Variants in FER1L5 observed in about 807,000 individuals in gnomAD.
FER1L5 encodes fer-1 like family member 5.
Under a neutral mutation model 279.9 loss-of-function variants are expected in FER1L5, and 187 were observed. That is an observed-to-expected ratio of 0.67 (90% CI 0.59 to 0.75). The LOEUF (loss-of-function observed/expected upper bound fraction) is 0.75. Among genes scored for constraint, FER1L5 ranks in the 30% least tolerant of loss-of-function variants. The pLI, the probability that FER1L5 is intolerant of heterozygous loss-of-function variation, is 0.00. For missense variants in FER1L5, 2,091 were observed against 2,594.4 expected, an observed-to-expected ratio of 0.81 and a Z score of 4.21; for synonymous variants, 921 against 989.7, an observed-to-expected ratio of 0.93 and a Z score of 1.30.
At position 96,686,397 on chromosome 2, in the gene FER1L5, C is replaced by T. The variant is rs2076926680; in HGVS notation, c.2229+47C>T. ...GGGGAGGACAGGGCTGAGAAATGCCCCCAGGGGAGCCCCCTGAACTCGCAG... is the reference window on the plus strand; with the variant it reads ...GGGGAGGACAGGGCTGAGAAATGCCTCCAGGGGAGCCCCCTGAACTCGCAG... On this transcript the variant is annotated intron_variant, in intron 23 of 52. Transcript: ENST00000624922. The T allele has an allele frequency of 2.6e-6, 4 of 1,517,188 alleles. No homozygotes were observed. The African/African-American group carries it at 5.5e-5, about 21-fold the overall frequency. 94.0% of individuals were successfully genotyped at this position (1,517,188 alleles called of 1,614,324 possible).
chr2:96,651,237 C>CTTTCTCTT (rs1553446608), intron 6 of FER1L5, among the ~76,000 whole-genome samples: 5 of 128,518 alleles, frequency 3.9e-5, no homozygotes, highest in African/African-American at 1.5e-4. Flanking sequence ...TTCTTTCTTT[C>CTTTCTCTT]TCTTTCTTTC....
chr2:96,679,922 C>T (rs1265038290), intron 19 of FER1L5, among the ~76,000 whole-genome samples: 1 of 152,066 alleles, frequency 6.6e-6, no homozygotes, highest in African/African-American at 2.4e-5. Flanking sequence ...TTTTCTTCTA[C>T]TTGTTTTCTG....
intron 37 of FER1L5, 129 bp downstream of exon 37, chr2:96,696,206 G>A (rs1238157468): frequency 3.4e-6 from 4 of 1,170,278 alleles, no homozygotes; most frequent in Non-Finnish European, 4.9e-6. Flanking sequence ...TCGCTCTGTA[G>A]GGTCCTCAGC....
In FER1L5 at chr2:96,702,278, G is replaced by A. The variant is rs577235532; in HGVS notation, c.5160-28G>A. On this transcript the variant is annotated intron_variant, in intron 46 of 52. Coordinates refer to ENST00000624922, the MANE Select transcript of FER1L5 (RefSeq NM_001293083.2). This position sits in a 1 kb window ranked among gnomAD's most constrained non-coding sequence, Gnocchi z 4.0. ...GCTGCAGCTGGGGAGCTCCTCCTCA[G>A]CAAAGCCTCAGAGCACAGTGGCCAC... 1.9e-6 allele frequency: 3 copies of A among 1,601,196 alleles called. No homozygotes were observed. Among genetic ancestry groups the A allele is most frequent in the Non-Finnish European group, 2.6e-6 (3 of 1,174,280 alleles).
At chr2:96,673,903 G>A (rs564205826) in intron 19 of FER1L5, among the ~76,000 whole-genome samples, 1 of 152,172 alleles carries the variant, frequency 6.6e-6, no homozygotes, top group Admixed American at 6.5e-5. Flanking sequence ...GAGTACCACT[G>A]CTGCAGAGCA....
Position 96,647,107 on chromosome 2 carries a change from C to T in FER1L5, c.182C>T (p.Ser61Phe). 6.4e-7 allele frequency: 1 copy of T among 1,551,662 alleles called. No individual in the cohort carries two copies. The highest frequency in any genetic ancestry group is 8.7e-7 in the Non-Finnish European group (1 of 1,146,988). ...HLWNRPLEND[S>F]FLQVTLQDMG... is the part of the protein sequence containing the mutation. ...TGGAACCGCCCCCTGGAAAATGACT[C>T]CTTCCTGCAAGTCACCCTTCAGGAC... The change falls in exon 3 of 53, where the codon TCC becomes TTC. Residue 61 changes from serine to phenylalanine, a missense_variant. Transcript: ENST00000624922.
chr2:96,691,417 C>G lies in FER1L5; in HGVS notation c.2908-28C>G, dbSNP rs2077141105. ...AGGGCCGCCTTGGCTGCTGCAGGAACACAACCCTGCTCTCCTCCCCACCAC... is the reference window on the plus strand; with the variant it reads ...AGGGCCGCCTTGGCTGCTGCAGGAAGACAACCCTGCTCTCCTCCCCACCAC... On this transcript the variant is annotated intron_variant, in intron 28 of 52. Coordinates refer to ENST00000624922, the MANE Select transcript of FER1L5 (RefSeq NM_001293083.2). This position sits in a 1 kb window ranked among gnomAD's most constrained non-coding sequence, Gnocchi z 6.0. 6.5e-7 allele frequency: 1 copy of G among 1,534,566 alleles called. No homozygotes were observed. The highest frequency in any genetic ancestry group is 8.8e-7 in the Non-Finnish European group (1 of 1,136,638).
chr2:96,659,076 C>T (rs529104523), intron 9 of FER1L5, among the ~76,000 whole-genome samples: 6 of 151,962 alleles, frequency 3.9e-5, no homozygotes, highest in East Asian at 1.9e-4. Flanking sequence ...CTCCTACAGG[C>T]GCCCACCACC....
At chr2:96,646,507 G>A (rs2075136757) in intron 2 of FER1L5, 54 bp downstream of exon 2, 1 of 1,529,152 alleles carries the variant, frequency 6.5e-7, no homozygotes, top group Admixed American at 2.0e-5. Flanking sequence ...CAGCAAGGGG[G>A]CAAGGGTGGG....
chr2:96,643,731 A>AT (rs575542946), intron 1 of FER1L5, among the ~76,000 whole-genome samples: 1,418 of 136,908 alleles, frequency 0.01, 14 homozygotes, highest in Middle Eastern at 0.062. Context: ...TATTATCTCC[A>AT]TTTTTTTTTT....
At chr2:96,685,191 G>A in intron 20 of FER1L5, 138 bp from the exon 21 acceptor site, 1 of 714,492 alleles carries the variant, frequency 1.4e-6, no homozygotes, top group South Asian at 1.6e-5. Context: ...GGACAACCTT[G>A]AACTGATATC....
intron 18 of FER1L5, among the ~76,000 whole-genome samples, chr2:96,671,117 A>AAAAAAAAAAAAAAAAAAAAAAAG (rs1206351389): frequency 6.7e-6 from 1 of 149,910 alleles, no homozygotes; most frequent in East Asian, 1.9e-4. Flanking sequence ...AAAAAAAAAA[A>AAAAAAAAAAAAAAAAAAAAAAAG]AAAAAAAAAA....
chr2:96,689,498 C>G lies in FER1L5; in HGVS notation c.2525+122C>G, dbSNP rs1407177021. The G allele has an allele frequency of 1.4e-6, 2 of 1,469,686 alleles. No homozygotes were observed. The highest frequency in any genetic ancestry group is 1.4e-5 in the African/African-American group (1 of 70,612). 91.0% of individuals were successfully genotyped at this position (1,469,686 alleles called of 1,614,324 possible). ...CTGGTGCCAGAGGGCCGAGGTGCAC[C>G]AGGCCAAGGGCCCTGCCCACCACCC... On this transcript the variant is annotated intron_variant, in intron 25 of 52. Transcript: ENST00000624922. The surrounding 1 kb of genome is among the most constrained non-coding windows in gnomAD (Gnocchi z 4.6).
chr2:96,685,566 GAAACCCC>G (rs1298008438), intron 21 of FER1L5, 137 bp downstream of exon 21: 1 of 752,916 alleles, frequency 1.3e-6, no homozygotes. Flanking sequence ...TCCCCAGCGG[GAAACCCC>G]AAGAGTCGCT....
intron 9 of FER1L5, among the ~76,000 whole-genome samples, chr2:96,659,465 CTTTCTTTCTTTCTTTCTTTCT>C (rs2075841770): frequency 3.9e-5 from 1 of 25,398 alleles, no homozygotes; most frequent in Non-Finnish European, 6.0e-5. Context: ...TTCTTTCTTT[CTTTCTTTCTTTCTTTCTTTCT>C]TTCTTTCTTT....
chr2:96,669,200 G>A (rs1281733408), intron 17 of FER1L5, 63 bp downstream of exon 17: 1 of 1,473,048 alleles, frequency 6.8e-7, no homozygotes, highest in Admixed American at 2.2e-5. Context: ...TAAAGCACTA[G>A]GGCCTGGGAC....
At position 96,661,672 on chromosome 2, in the gene FER1L5, A is replaced by G. The variant is rs766921663; in HGVS notation, c.899A>G (p.Asp300Gly). The G allele has an allele frequency of 2.6e-5, 41 of 1,551,572 alleles. No individual in the cohort carries two copies. The highest frequency in any genetic ancestry group is 3.3e-5 in the Non-Finnish European group (38 of 1,147,004). Residue 300 changes from aspartate (D) to glycine (G), a missense_variant, in exon 12 of 53, where the codon GAT becomes GGT. Coordinates refer to ENST00000624922, the MANE Select transcript of FER1L5 (RefSeq NM_001293083.2). ...ALGVGDQALI[D>G]QKLLYGTDDT... ...TCAGCTCTCTGGTCTCTCCAGATAG[A>G]TCAAAAGCTGCTCTATGGCACCGAT...
At chr2:96,650,034 G>A (rs1011970855) in intron 5 of FER1L5, 146 bp from the exon 6 acceptor site, 91 of 665,136 alleles carry the variant, frequency 1.4e-4, no homozygotes, top group Middle Eastern at 4.1e-4. Flanking sequence ...TAATGTTCTG[G>A]GGAGGACATA....
chr2:96,670,676 C>T (rs2076289269), intron 18 of FER1L5, among the ~76,000 whole-genome samples: 2 of 151,840 alleles, frequency 1.3e-5, no homozygotes, highest in South Asian at 4.2e-4. Context: ...GTCCCAGCTA[C>T]TAGGGAGGCT....
Sources: gnomAD v4.1 joint callset for allele counts (sites outside exome capture counted in the v4.1 genomes callset) on GRCh38, gnomAD v4.1.1 for gene constraint, Gnocchi (gnomAD v3.1) non-coding constraint, MANE v1.5 for transcripts, NCBI Gene and HGNC (gene_info 2026-07-23, HGNC 2026-07-21) for gene names.